Variants in PLPPR1 observed in about 807,000 individuals in gnomAD.
The protein encoded by PLPPR1 is phospholipid phosphatase-related protein type 1.
Under a neutral mutation model 33.1 loss-of-function variants are expected in PLPPR1, and 10 were observed. The ratio of observed to expected loss-of-function variants is 0.30; its 90% confidence interval spans 0.19 to 0.51. The LOEUF is 0.51. PLPPR1 is among the 20% of genes least tolerant of loss of function. PLPPR1 has a pLI of 0.97. For missense variants in PLPPR1, 304 were observed against 408.1 expected (o/e 0.74, Z 2.20); for synonymous variants, 151 against 151.0 (o/e 1.00, Z 0.00).
intron 1 of PLPPR1, among the ~76,000 whole-genome samples, chr9:101,171,098 C>T (rs1261008737): frequency 6.6e-6 from 1 of 152,104 alleles, no homozygotes; most frequent in Non-Finnish European, 1.5e-5. Context: ...AGGCACAGAA[C>T]TTAATTGTGA....
rs79176219 is a variant in PLPPR1 at position 101,140,672 on chromosome 9, T to A, written c.-45-44778T>A. On this transcript the variant is annotated intron_variant, in intron 1 of 7. Transcript: ENST00000374874. ...AGAAGCCAGTAAAATTGTTATACCC[T>A]TAGATAGTGTGGAGCAGAATAGGGA... Among the ~76,000 whole-genome samples, 1,253 of 152,266 alleles carry A rather than the reference T, an allele frequency of 8.2e-3. 23 individuals are homozygous for A. The highest frequency in any genetic ancestry group is 0.029 in the African/African-American group (1,188 of 41,562).
chr9:101,171,147 AG>A (rs1312721559), intron 1 of PLPPR1, among the ~76,000 whole-genome samples: 1 of 152,106 alleles, frequency 6.6e-6, no homozygotes, highest in African/African-American at 2.4e-5. Context: ...AAAGGTAAAT[AG>A]GGCAGCTGAG....
chr9:101,124,378 C>T (rs1441802452), intron 1 of PLPPR1, among the ~76,000 whole-genome samples: 32 of 152,172 alleles, frequency 2.1e-4, no homozygotes, highest in Admixed American at 2.0e-3. Context: ...GAAGCTCAGT[C>T]AGAAAGCATT....
chr9:101,067,318 T>C (rs1830430818), intron 1 of PLPPR1, among the ~76,000 whole-genome samples: 1 of 152,020 alleles, frequency 6.6e-6, no homozygotes, highest in South Asian at 2.1e-4. Flanking sequence ...TATCTTGGTC[T>C]GCTTTAGGAT....
chr9:101,322,173 G>A (rs1033646661), intron 7 of PLPPR1, among the ~76,000 whole-genome samples: 5 of 123,284 alleles, frequency 4.1e-5, no homozygotes, highest in Non-Finnish European at 7.9e-5. Context: ...ACTCCAGCCT[G>A]GGGGACAACA....
intron 1 of PLPPR1, among the ~76,000 whole-genome samples, chr9:101,141,550 A>G (rs2118632409): frequency 6.6e-6 from 1 of 152,302 alleles, no homozygotes; most frequent in East Asian, 1.9e-4. Flanking sequence ...ATAATGGTGA[A>G]TTTTTCCTAA....
chr9:101,133,474 T>G (rs182521336), intron 1 of PLPPR1, among the ~76,000 whole-genome samples: 1 of 152,324 alleles, frequency 6.6e-6, no homozygotes, highest in East Asian at 1.9e-4. Context: ...CCTTTTGTCA[T>G]TTGATAAATT....
chr9:101,130,377 A>G (rs1039772949), intron 1 of PLPPR1, among the ~76,000 whole-genome samples: 1 of 152,148 alleles, frequency 6.6e-6, no homozygotes, highest in African/African-American at 2.4e-5. Context: ...TCAGCTGCAT[A>G]ACCCCAGGAA....
At chr9:101,145,729 G>T (rs1354058743) in intron 1 of PLPPR1, among the ~76,000 whole-genome samples, 3 of 145,192 alleles carry the variant, frequency 2.1e-5, no homozygotes, top group Non-Finnish European at 4.6e-5. Context: ...AATAAGAAAA[G>T]AAATGTCAGG....
At chr9:101,292,836 G>C (rs1479893738) in intron 4 of PLPPR1, among the ~76,000 whole-genome samples, 1 of 151,888 alleles carries the variant, frequency 6.6e-6, no homozygotes, top group East Asian at 1.9e-4. Flanking sequence ...ACCAGTACCA[G>C]CCACTGCAAA....
chr9:101,108,783 T>A (rs926395667), intron 1 of PLPPR1, among the ~76,000 whole-genome samples: 3 of 152,200 alleles, frequency 2.0e-5, no homozygotes, highest in African/African-American at 7.2e-5. Context: ...AGTTTCAGAA[T>A]TCTTTTCATT....
chr9:101,151,911 A>G (rs1272138127), intron 1 of PLPPR1, among the ~76,000 whole-genome samples: 1 of 152,186 alleles, frequency 6.6e-6, no homozygotes, highest in Non-Finnish European at 1.5e-5. Context: ...GCCAGTAGAA[A>G]TGTGTGAAAT....
Position 101,152,612 on chromosome 9 carries a change from C to T in PLPPR1, c.-45-32838C>T, listed in dbSNP as rs544057740. On this transcript the variant is annotated intron_variant, in intron 1 of 7. Transcript: ENST00000374874. ...GAAGGGATCCAGTTTCAGCTTTCTG[C>T]ATATGGCTAGCCAGTTTTCCCAGCA... Among the ~76,000 whole-genome samples, 5 of 152,258 alleles carry T rather than the reference C, an allele frequency of 3.3e-5. No individual in the cohort carries two copies. The South Asian group carries it at 1.0e-3, about 32-fold the overall frequency.
intron 1 of PLPPR1, among the ~76,000 whole-genome samples, chr9:101,155,092 C>G (rs1365693973): frequency 6.9e-6 from 1 of 144,278 alleles, no homozygotes; most frequent in African/African-American, 2.5e-5. Context: ...CACATGTACA[C>G]TAAAACTTAA....
At chr9:101,246,606 A>G (rs1380473584) in intron 2 of PLPPR1, among the ~76,000 whole-genome samples, 1 of 152,046 alleles carries the variant, frequency 6.6e-6, no homozygotes, top group Non-Finnish European at 1.5e-5. Context: ...TCCCTTCTAG[A>G]GTCTGGTGCC....
At chr9:101,247,705 CTG>C (rs1827637140) in intron 2 of PLPPR1, among the ~76,000 whole-genome samples, 1 of 152,032 alleles carries the variant, frequency 6.6e-6, no homozygotes, top group South Asian at 2.1e-4. Flanking sequence ...ATGAGCTGTG[CTG>C]TGTTTGCAAT....
chr9:101,057,961 A>G (rs1290295793), intron 1 of PLPPR1, among the ~76,000 whole-genome samples: 1 of 152,070 alleles, frequency 6.6e-6, no homozygotes, highest in Non-Finnish European at 1.5e-5. Context: ...GGAGTACAAC[A>G]TGATGGCTTT....
intron 1 of PLPPR1, among the ~76,000 whole-genome samples, chr9:101,048,007 G>A (rs923723063): frequency 6.6e-6 from 1 of 152,160 alleles, no homozygotes; most frequent in Admixed American, 6.5e-5. Flanking sequence ...TGCCATACCG[G>A]TAGGTGGACC....
At chr9:101,172,360 AAAAAC>A (rs1825955268) in intron 1 of PLPPR1, among the ~76,000 whole-genome samples, 4 of 152,066 alleles carry the variant, frequency 2.6e-5, no homozygotes, top group African/African-American at 4.8e-5. Flanking sequence ...GGGGAAAAAA[AAAAAC>A]AAAATATGCT....
Sources: allele counts gnomAD v4.1 joint callset (sites outside exome capture counted in the v4.1 genomes callset), GRCh38; gene constraint gnomAD v4.1.1; transcripts MANE v1.5; gene names NCBI Gene and HGNC (gene_info 2026-07-23, HGNC 2026-07-21).